DNAH14: variants seen among roughly 807,000 people sequenced by gnomAD.
The protein encoded by DNAH14 is axonemal beta dynein heavy chain 14.
A neutral mutation model predicts 520.9 loss-of-function variants in DNAH14; 478 were observed. The ratio of observed to expected loss-of-function variants is 0.92; its 90% confidence interval spans 0.85 to 0.99. The LOEUF is 0.99. Among genes scored for constraint, DNAH14 ranks in the 50% least tolerant of loss-of-function variants. The probability of loss-of-function intolerance (pLI) is 0.00; values close to 1 mark genes in which losing one functional copy is unlikely to be tolerated. For synonymous variants in DNAH14, 1,581 were observed against 1,757.2 expected, an observed-to-expected ratio of 0.90 and a Z score of 2.51; for missense variants, 4,831 against 5,234.5, an observed-to-expected ratio of 0.92 and a Z score of 2.38.
At chr1:225,115,615 T>C (rs1249802647) in intron 23 of DNAH14, among the ~76,000 whole-genome samples, 1 of 152,172 alleles carries the variant, frequency 6.6e-6, no homozygotes, top group East Asian at 1.9e-4. Context: ...ATAGGCCCTC[T>C]TCTATTGAAA....
intron 1 of DNAH14, among the ~76,000 whole-genome samples, chr1:224,948,805 C>T (rs1281761604): frequency 6.6e-6 from 1 of 152,032 alleles, no homozygotes; most frequent in Non-Finnish European, 1.5e-5. Flanking sequence ...TTTTTCTTCC[C>T]CCAGAAAATG....
At chr1:224,957,093 C>T (rs1189680286) in intron 3 of DNAH14, among the ~76,000 whole-genome samples, 8 of 151,892 alleles carry the variant, frequency 5.3e-5, no homozygotes, top group South Asian at 2.1e-4. Flanking sequence ...TATTGAAGAA[C>T]AGATTGGAAG....
intron 61 of DNAH14, among the ~76,000 whole-genome samples, chr1:225,322,108 T>TTTTTC (rs2094567553): frequency 7.1e-6 from 1 of 141,088 alleles, no homozygotes; most frequent in African/African-American, 2.8e-5. Context: ...TTTTTTTTTT[T>TTTTTC]GAGACAGTGT....
At chr1:225,269,784 C>T (rs1364245146) in intron 49 of DNAH14, among the ~76,000 whole-genome samples, 1 of 152,178 alleles carries the variant, frequency 6.6e-6, no homozygotes, top group Non-Finnish European at 1.5e-5. Context: ...TACCATCTCA[C>T]ACCAGTTAGA....
Position 224,955,098 on chromosome 1 carries a change from G to A in DNAH14, c.217G>A (p.Asp73Asn). The change falls in exon 3 of 86, where the codon GAT becomes AAT. Residue 73 changes from aspartate to asparagine, a missense_variant and splice_region_variant. Transcript: ENST00000682510. ...SESLKSEKTE[D>N]YLRESIIQQH... ...ATCTTTGAAGTCAGAGAAAACAGAAGGTATTTATCAAGATTACTATTCTGG... is the reference window on the plus strand; with the variant it reads ...ATCTTTGAAGTCAGAGAAAACAGAAAGTATTTATCAAGATTACTATTCTGG... 1 of 1,606,998 alleles carries A rather than the reference G, an allele frequency of 6.2e-7. No homozygotes were observed. Among genetic ancestry groups the A allele is most frequent in the Non-Finnish European group, 8.5e-7 (1 of 1,177,178 alleles).
At chr1:225,040,326 AC>A (rs752697414) in intron 12 of DNAH14, among the ~76,000 whole-genome samples, 4 of 152,238 alleles carry the variant, frequency 2.6e-5, no homozygotes, top group Non-Finnish European at 4.4e-5. Flanking sequence ...TATACAACAT[AC>A]ACACTATGTA....
At chr1:225,147,044 C>G in intron 30 of DNAH14, 60 bp from the exon 31 acceptor site, 3 of 1,297,350 alleles carry the variant, frequency 2.3e-6, no homozygotes, top group Non-Finnish European at 3.1e-6. Context: ...ATTAATATCC[C>G]AGTAAATTTT....
intron 36 of DNAH14, among the ~76,000 whole-genome samples, chr1:225,178,946 G>A (rs985568592): frequency 1.3e-5 from 2 of 152,086 alleles, no homozygotes; most frequent in African/African-American, 4.8e-5. Flanking sequence ...TATTTCAAGG[G>A]GAATTTTTCC....
chr1:225,102,772 T>C (rs1040784771), intron 23 of DNAH14, among the ~76,000 whole-genome samples: 22 of 152,246 alleles, frequency 1.4e-4, no homozygotes, highest in Non-Finnish European at 2.6e-4. Flanking sequence ...CTGAGTTCAT[T>C]GTAGATTCTG....
chr1:225,211,855 A>G (rs2088474087), intron 41 of DNAH14, among the ~76,000 whole-genome samples: 1 of 151,860 alleles, frequency 6.6e-6, no homozygotes, highest in Non-Finnish European at 1.5e-5. Flanking sequence ...TTCTTAAAGG[A>G]AAGAATTTTC....
intron 27 of DNAH14, among the ~76,000 whole-genome samples, chr1:225,139,987 G>A (rs1384211834): frequency 6.6e-6 from 1 of 152,192 alleles, no homozygotes; most frequent in Non-Finnish European, 1.5e-5. Flanking sequence ...GAATGCTGTT[G>A]ATATAACAAG....
At chr1:225,333,567 G>C in intron 66 of DNAH14, 61 bp downstream of exon 66, 1 of 1,412,806 alleles carries the variant, frequency 7.1e-7, no homozygotes, top group South Asian at 1.3e-5. Flanking sequence ...GATTTTAGCT[G>C]TATGTGTAGT....
intron 8 of DNAH14, among the ~76,000 whole-genome samples, chr1:224,979,307 T>G (rs77552187): frequency 0.055 from 8,379 of 152,214 alleles, 474 homozygotes; most frequent in East Asian, 0.24. Flanking sequence ...TGTGGAGAGA[T>G]AATCTGAGCA....
chr1:225,254,959 T>C (rs1193137864), intron 44 of DNAH14, among the ~76,000 whole-genome samples: 1 of 152,128 alleles, frequency 6.6e-6, no homozygotes, highest in Non-Finnish European at 1.5e-5. Flanking sequence ...TTAGACAAGA[T>C]CTTTTGGTGT....
intron 1 of DNAH14, among the ~76,000 whole-genome samples, chr1:224,952,424 A>G (rs1358418903): frequency 1.3e-5 from 2 of 152,208 alleles, no homozygotes; most frequent in Non-Finnish European, 2.9e-5. Flanking sequence ...ACATAAACCA[A>G]TGCATGTAAG....
intron 81 of DNAH14, among the ~76,000 whole-genome samples, chr1:225,382,343 CAA>C (rs1040782300): frequency 1.3e-5 from 2 of 152,124 alleles, no homozygotes; most frequent in African/African-American, 4.8e-5. Context: ...AGTAGTTCCT[CAA>C]AAAGTTAAAC....
At chr1:225,156,455 G>A (rs548654939) in intron 34 of DNAH14, among the ~76,000 whole-genome samples, 76 of 152,168 alleles carry the variant, frequency 5.0e-4, no homozygotes, top group African/African-American at 1.7e-3. Context: ...CCTGGCTTAC[G>A]ACCACAGCAC....
chr1:225,056,089 T>G lies in DNAH14; in HGVS notation c.2424+4294T>G, dbSNP rs913634363. Reference sequence around the variant, plus strand: ...CTGGGTCAAACGGTATTTCTAGTTCTAGATCCCTGAGGAATCACCACACTC... The same window carrying G: ...CTGGGTCAAACGGTATTTCTAGTTCGAGATCCCTGAGGAATCACCACACTC... On this transcript the variant is annotated intron_variant, in intron 17 of 85. Transcript: ENST00000682510. Among the ~76,000 whole-genome samples, 3 of 152,084 alleles carry G rather than the reference T, an allele frequency of 2.0e-5. 1 individual carries two copies. The highest frequency in any genetic ancestry group is 3.4e-3 in the Middle Eastern group (1 of 294).
At chr1:225,094,184 A>C (rs2074671434) in intron 21 of DNAH14, among the ~76,000 whole-genome samples, 1 of 152,172 alleles carries the variant, frequency 6.6e-6, no homozygotes, top group Admixed American at 6.6e-5. Context: ...AATACTAAGC[A>C]AAAGAACAAA....
Sources: allele counts gnomAD v4.1 joint callset (sites outside exome capture counted in the v4.1 genomes callset), GRCh38; gene constraint gnomAD v4.1.1; transcripts MANE v1.5; gene names NCBI Gene and HGNC (gene_info 2026-07-23, HGNC 2026-07-21).